The following DNASE1 variants were observed in gnomAD, a reference collection of about 807,000 sequenced individuals.
The protein encoded by DNASE1 is deoxyribonuclease-1.
Under a neutral mutation model 33.9 loss-of-function variants are expected in DNASE1, and 40 were observed. The observed-to-expected ratio is 1.18, with a 90% CI of 0.92 to 1.54. DNASE1 has a LOEUF of 1.54. DNASE1 is among the 40% of genes most tolerant of loss of function. The pLI is 0.00. For synonymous variants in DNASE1, 216 were observed against 160.0 expected, an observed-to-expected ratio of 1.35 and a Z score of -2.64; for missense variants, 518 against 372.6, an observed-to-expected ratio of 1.39 and a Z score of -3.21.
At chr16:3,630,460 C>T (rs1374285039) in intron 1 of DNASE1, among the ~76,000 whole-genome samples, 2 of 152,188 alleles carry the variant, frequency 1.3e-5, no homozygotes, top group African/African-American at 2.4e-5. Context: ...GGATTACGGG[C>T]ATGAGCCACT....
intron 1 of DNASE1, among the ~76,000 whole-genome samples, chr16:3,631,661 T>C (rs1403629917): frequency 6.6e-6 from 1 of 152,070 alleles, no homozygotes; most frequent in East Asian, 1.9e-4. Flanking sequence ...GTAGTGGGAT[T>C]ATAAGCACGC....
chr16:3,653,841 A>AAAAAAAAAAAG (rs781310896), upstream of DNASE1: 2 of 125,056 alleles, frequency 1.6e-5, no homozygotes, highest in South Asian at 2.8e-4. Context: ...AAAAAAAAAA[A>AAAAAAAAAAAG]CTGAGCATGG....
At chr16:3,661,993 T>G (rs758506078), downstream of DNASE1, 1 of 1,605,990 alleles carries the variant, frequency 6.2e-7, no homozygotes, top group African/African-American at 1.3e-5. Flanking sequence ...TCACCTGGGG[T>G]TGATCTCCAG....
intron 1 of DNASE1, among the ~76,000 whole-genome samples, chr16:3,624,445 G>A (rs1049359860): frequency 6.6e-6 from 1 of 152,160 alleles, no homozygotes; most frequent in African/African-American, 2.4e-5. Context: ...CTGGGTTAGC[G>A]TCCCTTATGC....
chr16:3,652,307 C>T (rs534240224), upstream of DNASE1: 2 of 152,306 alleles, frequency 1.3e-5, no homozygotes, highest in South Asian at 4.2e-4. Context: ...CCCTGTGCCC[C>T]GCCGGAAGCT....
upstream of DNASE1, chr16:3,650,790 T>TC (rs1275004290): frequency 6.6e-6 from 1 of 152,142 alleles, no homozygotes; most frequent in Non-Finnish European, 1.5e-5. Context: ...GAGCACCTCT[T>TC]CAACTTGGAA....
In DNASE1 at chr16:3,658,023, A is replaced by T. The variant is rs1341857751; in HGVS notation, c.*70A>T. Reference sequence around the variant, plus strand: ...ATCCTGCCACAGGACCCAGAAAAAAAGCCCAACACACACTCGGGTTAAGAA... The same window carrying T: ...ATCCTGCCACAGGACCCAGAAAAAATGCCCAACACACACTCGGGTTAAGAA... On this transcript the variant is annotated 3_prime_UTR_variant, in exon 9 of 9. Coordinates refer to ENST00000246949, the MANE Select transcript of DNASE1 (RefSeq NM_005223.4). 1 of 1,610,690 alleles carries T rather than the reference A, an allele frequency of 6.2e-7. No individual in the cohort carries two copies. The highest frequency in any genetic ancestry group is 8.5e-7 in the Non-Finnish European group (1 of 1,178,178).
chr16:3,614,300 G>T (rs1294927050), intron 1 of DNASE1, among the ~76,000 whole-genome samples: 1 of 152,090 alleles, frequency 6.6e-6, no homozygotes, highest in Non-Finnish European at 1.5e-5. Flanking sequence ...CGATCTTCCT[G>T]CCTGGACCTC....
At chr16:3,637,735 C>T (rs1252807456) in intron 1 of DNASE1, among the ~76,000 whole-genome samples, 2 of 152,180 alleles carry the variant, frequency 1.3e-5, no homozygotes, top group African/African-American at 4.8e-5. Flanking sequence ...GAGGATCTTT[C>T]TCTGATCTTG....
At chr16:3,631,526 T>C (rs2041700341) in intron 1 of DNASE1, among the ~76,000 whole-genome samples, 1 of 149,588 alleles carries the variant, frequency 6.7e-6, no homozygotes, top group African/African-American at 2.5e-5. Context: ...TTTTTTGTTT[T>C]GTTTTGTTTT....
intron 1 of DNASE1, among the ~76,000 whole-genome samples, chr16:3,625,562 G>A (rs2041482027): frequency 6.7e-6 from 1 of 150,142 alleles, no homozygotes; most frequent in East Asian, 2.0e-4. Context: ...GGTCGAGGCT[G>A]CAGTGAATCA....
In DNASE1 at chr16:3,627,546, C is replaced by T. The variant is rs1203148177; in HGVS notation, c.-1358-13169C>T. Among the ~76,000 whole-genome samples, 5 of 152,278 alleles carry T rather than the reference C, an allele frequency of 3.3e-5. No homozygotes were observed. The South Asian group carries it at 6.2e-4, about 19-fold the overall frequency. On this transcript the variant is annotated intron_variant and NMD_transcript_variant, in intron 1 of 11. Transcript: ENST00000570769. ...TCCACCTCAGTCTCCCAAAGTGTTA[C>T]ATGAGCCAGTGCACCTGGCTTGTCT...
At chr16:3,661,207 G>A (rs557520153), downstream of DNASE1, 1 of 152,256 alleles carries the variant, frequency 6.6e-6, no homozygotes, top group South Asian at 2.1e-4. Flanking sequence ...ACCAAAGGAT[G>A]TTAAAGACCT....
chr16:3,634,676 AT>A (rs894601801), intron 1 of DNASE1, among the ~76,000 whole-genome samples: 30 of 144,788 alleles, frequency 2.1e-4, no homozygotes, highest in Admixed American at 3.5e-4. Context: ...TGCCTAGATA[AT>A]TTTTTTTTTT....
chr16:3,655,270 T>G, intron 1 of DNASE1, 103 bp from the exon 2 acceptor site: 765 of 1,528,876 alleles, frequency 5.0e-4, no homozygotes, highest in Non-Finnish European at 6.2e-4. Flanking sequence ...CCCCTGACCT[T>G]GAGCTCCACC....
At chr16:3,635,232 T>G (rs2041831737) in intron 1 of DNASE1, among the ~76,000 whole-genome samples, 1 of 151,836 alleles carries the variant, frequency 6.6e-6, no homozygotes. Flanking sequence ...CTGAGGCAGA[T>G]GGATCGCTTG....
chr16:3,650,194 T>C (rs1313677759), upstream of DNASE1, among the ~76,000 whole-genome samples: 1 of 152,236 alleles, frequency 6.6e-6, no homozygotes, highest in Admixed American at 6.5e-5. Context: ...TACCTGCAGC[T>C]CATACTTTGA....
At chr16:3,624,104 C>G (rs558174920) in intron 1 of DNASE1, among the ~76,000 whole-genome samples, 2 of 151,924 alleles carry the variant, frequency 1.3e-5, no homozygotes, top group African/African-American at 2.4e-5. Flanking sequence ...TGGTGAAACC[C>G]CGTCTCTACT....
upstream of DNASE1, among the ~76,000 whole-genome samples, chr16:3,638,358 G>A (rs777770443): frequency 2.0e-5 from 3 of 151,680 alleles, no homozygotes; most frequent in Admixed American, 1.3e-4. Flanking sequence ...TTTTTTTTGA[G>A]GCGGAGTCTC....
Sources: allele counts gnomAD v4.1 joint callset (sites outside exome capture counted in the v4.1 genomes callset), GRCh38; gene constraint gnomAD v4.1.1; transcripts MANE v1.5; gene names NCBI Gene and HGNC (gene_info 2026-07-23, HGNC 2026-07-21).